GALNT11: variants seen among roughly 807,000 people sequenced by gnomAD.
GALNT11 encodes the protein UDP-GalNAc:polypeptide N-acetylgalactosaminyltransferase 11.
In GALNT11, 47 loss-of-function variants were observed where a neutral mutation model predicts 72.7. The ratio of observed to expected loss-of-function variants is 0.65; its 90% CI spans 0.51 to 0.82. The LOEUF is 0.82. GALNT11 is among the 40% of genes least tolerant of loss of function. GALNT11 has a pLI of 0.00. For synonymous variants in GALNT11, 270 were observed against 286.6 expected (o/e 0.94, Z 0.58); for missense variants, 677 against 778.4 (o/e 0.87, Z 1.55).
intron 1 of GALNT11, among the ~76,000 whole-genome samples, chr7:152,067,777 G>A (rs1180181990): frequency 6.6e-6 from 1 of 152,144 alleles, no homozygotes; most frequent in Non-Finnish European, 1.5e-5. Context: ...AGAAATACCA[G>A]AGACTGGGTA....
chr7:152,047,686 C>T (rs1367638408), intron 1 of GALNT11, among the ~76,000 whole-genome samples: 1 of 144,588 alleles, frequency 6.9e-6, no homozygotes, highest in African/African-American at 2.9e-5. Context: ...AACAGTGACA[C>T]CGTGTGTGTG....
At chr7:152,046,803 A>T (rs747195819) in intron 1 of GALNT11, among the ~76,000 whole-genome samples, 1 of 152,062 alleles carries the variant, frequency 6.6e-6, no homozygotes, top group East Asian at 1.9e-4. Flanking sequence ...GTTATTACTG[A>T]TAAGTAAGGT....
At chr7:152,028,135 G>C (rs1168195063) in intron 1 of GALNT11, among the ~76,000 whole-genome samples, 1 of 152,176 alleles carries the variant, frequency 6.6e-6, no homozygotes, top group Non-Finnish European at 1.5e-5. Flanking sequence ...GAATGAAAGA[G>C]CAAAGCTTCC....
intron 1 of GALNT11, among the ~76,000 whole-genome samples, chr7:152,072,605 G>T (rs2084723167): frequency 6.6e-6 from 1 of 152,210 alleles, no homozygotes; most frequent in Admixed American, 6.5e-5. Context: ...GCCCAGGCAT[G>T]TCCCAGCTTG....
At position 152,117,381 on chromosome 7, in the gene GALNT11, A is replaced by G. The variant is rs2088966555; in HGVS notation, c.1452+6A>G. 1.2e-6 allele frequency: 2 copies of G among 1,613,612 alleles called. No homozygotes were observed. The highest frequency in any genetic ancestry group is 2.7e-5 in the African/African-American group (2 of 74,864). On this transcript the variant is annotated splice_donor_region_variant and intron_variant, in intron 9 of 11. Transcript: ENST00000430044. ...AAGTCCTTCAACGTGGAAGGGTAAG[A>G]AAGCTGTTTTTTCCAAGTGGCTTAT...
chr7:152,091,128 A>C (rs940764804), intron 1 of GALNT11, among the ~76,000 whole-genome samples: 1 of 260 alleles, frequency 3.8e-3, no homozygotes, highest in African/African-American at 0.016. Context: ...GCTCACTGCA[A>C]CCTCTGCTCC....
chr7:152,065,421 C>T (rs550417630), intron 1 of GALNT11, among the ~76,000 whole-genome samples: 1 of 152,076 alleles, frequency 6.6e-6, no homozygotes, highest in Non-Finnish European at 1.5e-5. Context: ...GTAGTTTGAT[C>T]GTCTGAACCC....
intron 1 of GALNT11, among the ~76,000 whole-genome samples, chr7:152,035,947 G>T (rs1472256147): frequency 1.3e-5 from 2 of 152,126 alleles, no homozygotes; most frequent in African/African-American, 4.8e-5. Flanking sequence ...TGATCTTCAG[G>T]GGGTGTCTTC....
chr7:152,035,429 A>T (rs1251929141), intron 1 of GALNT11, among the ~76,000 whole-genome samples: 4 of 152,236 alleles, frequency 2.6e-5, no homozygotes, highest in African/African-American at 4.8e-5. Flanking sequence ...GGCAAGGGTC[A>T]GGATAGGTAG....
At chr7:152,088,260 A>T (rs2085779557) in intron 1 of GALNT11, among the ~76,000 whole-genome samples, 1 of 152,134 alleles carries the variant, frequency 6.6e-6, no homozygotes, top group Non-Finnish European at 1.5e-5. Context: ...GTTTAGTATC[A>T]TGTTTGCTAC....
chr7:152,118,977 A>G, intron 10 of GALNT11, 195 bp downstream of exon 10: 1 of 397,422 alleles, frequency 2.5e-6, no homozygotes, highest in South Asian at 7.4e-5. Flanking sequence ...GGTCACCGCC[A>G]GGGTCTGATT....
In GALNT11 at chr7:152,086,168, GA is replaced by G. The variant is rs1563063303; in HGVS notation, c.-38-8021del. Among the ~76,000 whole-genome samples the G allele has an allele frequency of 5.3e-5, 8 of 152,166 alleles. No individual in the cohort carries two copies. The South Asian group carries it at 1.7e-3, about 32-fold the overall frequency. ...CCCAAAGTGCTGGGATTACAGGTGTGAGCCACCACACCCGGCCCAATTTTTG... is the reference window on the plus strand; with the variant it reads ...CCCAAAGTGCTGGGATTACAGGTGTGGCCACCACACCCGGCCCAATTTTTG... On this transcript the variant is annotated intron_variant, in intron 1 of 11. Transcript: ENST00000430044.
intron 1 of GALNT11, among the ~76,000 whole-genome samples, chr7:152,070,089 C>T (rs1377689251): frequency 3.3e-5 from 5 of 151,646 alleles, no homozygotes; most frequent in African/African-American, 4.9e-5. Context: ...CTCCGCCTCC[C>T]GGGTTCACAC....
At chr7:152,102,827 C>A (rs1051582598) in intron 3 of GALNT11, among the ~76,000 whole-genome samples, 1 of 151,234 alleles carries the variant, frequency 6.6e-6, no homozygotes, top group African/African-American at 2.4e-5. Context: ...ACTAAAAATG[C>A]AGAATTAGCC....
At chr7:152,054,678 A>ATTT (rs765064933) in intron 1 of GALNT11, among the ~76,000 whole-genome samples, 1 of 143,098 alleles carries the variant, frequency 7.0e-6, no homozygotes. Context: ...TGTCTGGCTA[A>ATTT]TTTTTTTTTT....
chr7:152,108,252 G>A lies in GALNT11; in HGVS notation c.927G>A (p.Glu309=). Residue 309 remains glutamate (E), a synonymous_variant, in exon 6 of 12, where the codon GAG becomes GAA. Coordinates refer to ENST00000430044, the MANE Select transcript of GALNT11 (RefSeq NM_022087.4). Reference sequence around the variant, plus strand: ...AATGGGATCTTGTCCCCCTTTCTGAGCTAGGACGAGCGGAGGGAGCCACTG... The same window carrying A: ...AATGGGATCTTGTCCCCCTTTCTGAACTAGGACGAGCGGAGGGAGCCACTG... ...HFKWDLVPLS[E]LGRAEGATAP... 2.5e-6 allele frequency: 4 copies of A among 1,613,470 alleles called. No homozygotes were observed. Among genetic ancestry groups the A allele is most frequent in the South Asian group, 1.1e-5 (1 of 91,072 alleles).
At chr7:152,073,027 T>C (rs1364564318) in intron 1 of GALNT11, among the ~76,000 whole-genome samples, 1 of 152,216 alleles carries the variant, frequency 6.6e-6, no homozygotes, top group African/African-American at 2.4e-5. Context: ...TATTTTTCAA[T>C]TGGCATATAA....
chr7:152,113,508 CT>C, intron 8 of GALNT11, 110 bp downstream of exon 8: 1 of 1,300,724 alleles, frequency 7.7e-7, no homozygotes, highest in Non-Finnish European at 1.1e-6. Flanking sequence ...CTTGGTTAAC[CT>C]TCACCTTAGG....
intron 8 of GALNT11, chr7:152,116,880 T>C: frequency 1.7e-6 from 1 of 582,520 alleles, no homozygotes; most frequent in South Asian, 1.6e-5. Context: ...TCTGTTTTAA[T>C]TTCTGTGTGA....
Sources: allele counts gnomAD v4.1 joint callset (sites outside exome capture counted in the v4.1 genomes callset), GRCh38; gene constraint gnomAD v4.1.1; transcripts MANE v1.5; gene names NCBI Gene and HGNC (gene_info 2026-07-23, HGNC 2026-07-21).